The following SLCO1A2 variants were observed in gnomAD, a reference collection of about 807,000 sequenced individuals.
The protein encoded by SLCO1A2 is solute carrier organic anion transporter family member 1A2.
In SLCO1A2, 67 loss-of-function variants were observed where a neutral mutation model predicts 69.0. That is an observed-to-expected ratio of 0.97 (90% confidence interval 0.80 to 1.19). The LOEUF is 1.19. Ranked by LOEUF, SLCO1A2 falls within the 50% of genes most tolerant of loss-of-function variation. The pLI is 0.00. For synonymous variants in SLCO1A2, 260 were observed against 265.9 expected (o/e 0.98, Z 0.22); for missense variants, 787 against 793.7 (o/e 0.99, Z 0.10).
At chr12:21,348,195 G>A (rs1301912423) in intron 2 of SLCO1A2, among the ~76,000 whole-genome samples, 1 of 152,192 alleles carries the variant, frequency 6.6e-6, no homozygotes, top group Non-Finnish European at 1.5e-5. Flanking sequence ...AGCACATCAT[G>A]AAGAATGGGG....
chr12:21,278,639 G>A (rs1034227893), intron 12 of SLCO1A2, among the ~76,000 whole-genome samples: 1 of 152,160 alleles, frequency 6.6e-6, no homozygotes, highest in Non-Finnish European at 1.5e-5. Flanking sequence ...CTCCAAAGTG[G>A]TAACTCTGTG....
chr12:21,377,015 A>G (rs1940247924), intron 1 of SLCO1A2, among the ~76,000 whole-genome samples: 2 of 152,192 alleles, frequency 1.3e-5, no homozygotes, highest in Non-Finnish European at 2.9e-5. Flanking sequence ...AAGGCTGTCA[A>G]AAAAATAGAG....
chr12:21,300,034 G>T (rs868232443), intron 8 of SLCO1A2, among the ~76,000 whole-genome samples: 1 of 141,602 alleles, frequency 7.1e-6, no homozygotes, highest in African/African-American at 2.8e-5. Context: ...ATATATGTGT[G>T]TATATATATA....
intron 12 of SLCO1A2, among the ~76,000 whole-genome samples, chr12:21,284,311 C>T (rs1565469685): frequency 1.3e-5 from 2 of 152,264 alleles, no homozygotes; most frequent in South Asian, 2.1e-4. Context: ...CCAGTGTGAG[C>T]GATGCAGAAG....
chr12:21,311,651 CATCTTCTTTCAAAAGAAG>C (rs1385719440), intron 4 of SLCO1A2: 1 of 151,812 alleles, frequency 6.6e-6, no homozygotes, highest in Non-Finnish European at 1.5e-5. Context: ...TCCGAGATGG[CATCTTCTTTCAAAAGAAG>C]GCTGTTTCCA....
chr12:21,343,239 C>T (rs1010128408), intron 2 of SLCO1A2, among the ~76,000 whole-genome samples: 1 of 152,126 alleles, frequency 6.6e-6, no homozygotes, highest in Non-Finnish European at 1.5e-5. Flanking sequence ...TTTTCTCTGA[C>T]ATCTCCTTAG....
At chr12:21,290,063 A>G (rs1351602856) in intron 12 of SLCO1A2, among the ~76,000 whole-genome samples, 2 of 151,254 alleles carry the variant, frequency 1.3e-5, no homozygotes, top group African/African-American at 4.9e-5. Context: ...CTGTATGTAC[A>G]TATGTGTGTG....
chr12:21,385,568 A>C (rs2137136956), intron 1 of SLCO1A2, among the ~76,000 whole-genome samples: 1 of 152,362 alleles, frequency 6.6e-6, no homozygotes, highest in South Asian at 2.1e-4. Flanking sequence ...GTAAACTGTG[A>C]GGAAAGCAAA....
At chr12:21,343,826 G>A (rs1453099072) in intron 2 of SLCO1A2, among the ~76,000 whole-genome samples, 2 of 152,010 alleles carry the variant, frequency 1.3e-5, no homozygotes, top group Admixed American at 1.3e-4. Context: ...CATTTGCATT[G>A]GAATGGAAAT....
chr12:21,289,348 T>C (rs2136279701), intron 12 of SLCO1A2, among the ~76,000 whole-genome samples: 1 of 152,178 alleles, frequency 6.6e-6, no homozygotes, highest in African/African-American at 2.4e-5. Context: ...CTTAAGGAGA[T>C]TGTTTTGATC....
At chr12:21,416,303 CA>C (rs1941986622) in intron 1 of SLCO1A2, among the ~76,000 whole-genome samples, 1 of 150,796 alleles carries the variant, frequency 6.6e-6, no homozygotes, top group Non-Finnish European at 1.5e-5. Flanking sequence ...CTGTCAGTCA[CA>C]ATTAAATCAG....
intron 1 of SLCO1A2, among the ~76,000 whole-genome samples, chr12:21,386,554 T>C (rs1340608469): frequency 2.0e-5 from 3 of 152,144 alleles, no homozygotes; most frequent in African/African-American, 7.2e-5. Context: ...ACTTCTCTCT[T>C]GCCTTTTGCC....
At chr12:21,344,337 G>A (rs904984301) in intron 2 of SLCO1A2, among the ~76,000 whole-genome samples, 1 of 151,856 alleles carries the variant, frequency 6.6e-6, no homozygotes. Flanking sequence ...TCTGATACTC[G>A]GCTTCATGGA....
intron 1 of SLCO1A2, among the ~76,000 whole-genome samples, chr12:21,382,385 G>A (rs928470893): frequency 6.6e-5 from 10 of 152,264 alleles, no homozygotes; most frequent in Admixed American, 4.6e-4. Context: ...TATAATGTAC[G>A]CTTCTTGGGT....
chr12:21,325,640 G>T (rs550665847), intron 2 of SLCO1A2, among the ~76,000 whole-genome samples: 1 of 152,260 alleles, frequency 6.6e-6, no homozygotes, highest in South Asian at 2.1e-4. Context: ...GCCCTTTAAT[G>T]TTGGAGGATC....
chr12:21,326,963 A>G (rs1483690603), intron 2 of SLCO1A2, among the ~76,000 whole-genome samples: 1 of 152,200 alleles, frequency 6.6e-6, no homozygotes, highest in Non-Finnish European at 1.5e-5. Context: ...CCAAATGTTA[A>G]TCACCCAGAC....
chr12:21,395,927 A>T (rs1050083457), upstream of SLCO1A2, among the ~76,000 whole-genome samples: 3 of 150,940 alleles, frequency 2.0e-5, no homozygotes, highest in Admixed American at 2.0e-4. Context: ...TGGGGAAAAA[A>T]CAGAACAGAA....
At chr12:21,312,456 T>C (rs753945647) in intron 4 of SLCO1A2, among the ~76,000 whole-genome samples, 2 of 152,222 alleles carry the variant, frequency 1.3e-5, no homozygotes, top group Non-Finnish European at 2.9e-5. Flanking sequence ...TCTAATCATT[T>C]GTGTCTTCCT....
chr12:21,404,155 G>A lies in SLCO1A2; in HGVS notation c.-312+13727C>T, dbSNP rs145509449. 5.0e-3 allele frequency among the ~76,000 whole-genome samples: 762 copies of A among 152,196 alleles called. 1 individual carries two copies. Among genetic ancestry groups the A allele is most frequent in the Admixed American group, 0.013 (196 of 15,268 alleles). On this transcript the variant is annotated intron_variant, in intron 1 of 4. Transcript: ENST00000413682. Reference sequence around the variant, plus strand: ...CTGGATGGGATGAGTAAAAGATTAGGGGCTATGTAAAGTAATTAGGTGGTC... The same window carrying A: ...CTGGATGGGATGAGTAAAAGATTAGAGGCTATGTAAAGTAATTAGGTGGTC...
Sources: gnomAD v4.1 joint callset for allele counts (sites outside exome capture counted in the v4.1 genomes callset) on GRCh38, gnomAD v4.1.1 for gene constraint, MANE v1.5 for transcripts, NCBI Gene and HGNC (gene_info 2026-07-23, HGNC 2026-07-21) for gene names.